The following WDR70 variants were observed in gnomAD, a reference collection of about 807,000 sequenced individuals.
WDR70 encodes WD repeat-containing protein 70.
WDR70 carries 53 observed loss-of-function variants against 88.6 expected under a neutral mutation model. The ratio of observed to expected loss-of-function variants is 0.60; its 90% CI spans 0.48 to 0.75. The LOEUF is 0.75. WDR70 is among the 30% of genes least tolerant of loss of function. The pLI is 0.00. For missense variants in WDR70, 610 were observed against 823.2 expected (o/e 0.74, Z 3.17); for synonymous variants, 280 against 270.0 (o/e 1.04, Z -0.36).
At chr5:37,449,314 G>A (rs746229945) in intron 7 of WDR70, among the ~76,000 whole-genome samples, 2 of 151,956 alleles carry the variant, frequency 1.3e-5, no homozygotes, top group South Asian at 2.1e-4. Context: ...GCTCCAGGCC[G>A]GGCGCAGTGG....
intron 7 of WDR70, among the ~76,000 whole-genome samples, chr5:37,468,272 A>G (rs1258373941): frequency 6.6e-6 from 1 of 152,242 alleles, no homozygotes; most frequent in African/African-American, 2.4e-5. Flanking sequence ...ATTTTTAAAT[A>G]TTTAACAATA....
chr5:37,459,426 C>A (rs1156657780), intron 7 of WDR70, among the ~76,000 whole-genome samples: 3 of 149,660 alleles, frequency 2.0e-5, no homozygotes, highest in Non-Finnish European at 4.4e-5. Flanking sequence ...CTGAGAAAAA[C>A]AAGCAATGGG....
At chr5:37,683,602 C>T (rs1048601886) in intron 10 of WDR70, among the ~76,000 whole-genome samples, 12 of 152,062 alleles carry the variant, frequency 7.9e-5, no homozygotes, top group African/African-American at 2.9e-4. Flanking sequence ...ACTAATGAGG[C>T]CTAGTTTGGC....
chr5:37,705,095 T>A (rs1747283040), intron 13 of WDR70, among the ~76,000 whole-genome samples: 1 of 152,182 alleles, frequency 6.6e-6, no homozygotes, highest in Admixed American at 6.5e-5. Flanking sequence ...AGACAGTGAA[T>A]TCTGTTCTTG....
At chr5:37,563,410 C>A (rs1313623687) in intron 9 of WDR70, among the ~76,000 whole-genome samples, 1 of 55,700 alleles carries the variant, frequency 1.8e-5, no homozygotes, top group African/African-American at 6.1e-5. Context: ...CAGGATTGGG[C>A]GGCTGGCCGG....
At chr5:37,449,160 G>C (rs1231034008) in intron 7 of WDR70, among the ~76,000 whole-genome samples, 1 of 152,098 alleles carries the variant, frequency 6.6e-6, no homozygotes, top group Non-Finnish European at 1.5e-5. Flanking sequence ...TAAACTTTTT[G>C]GTTTTCTTGT....
intron 10 of WDR70, among the ~76,000 whole-genome samples, chr5:37,669,351 A>T (rs947480049): frequency 4.0e-5 from 6 of 151,738 alleles, no homozygotes; most frequent in African/African-American, 1.5e-4. Context: ...AAGGAAGGAG[A>T]GAGGGAAGGG....
chr5:37,611,026 T>C (rs2112486707), intron 10 of WDR70, among the ~76,000 whole-genome samples: 1 of 152,302 alleles, frequency 6.6e-6, no homozygotes, highest in African/African-American at 2.4e-5. Context: ...AGATAATGTT[T>C]TGTGGGAGAG....
chr5:37,680,220 A>G (rs1015252889), intron 10 of WDR70, among the ~76,000 whole-genome samples: 3 of 150,238 alleles, frequency 2.0e-5, no homozygotes, highest in Admixed American at 2.0e-4. Context: ...GTTTCTGTTC[A>G]TGTCCTTTGC....
At chr5:37,624,927 C>T (rs1393328790) in intron 10 of WDR70, among the ~76,000 whole-genome samples, 3 of 152,124 alleles carry the variant, frequency 2.0e-5, no homozygotes, top group Non-Finnish European at 4.4e-5. Context: ...CAATGTAGGT[C>T]AGATAATTCC....
chr5:37,605,401 GT>G (rs1744008944), intron 10 of WDR70, among the ~76,000 whole-genome samples, 163 bp downstream of exon 10: 1 of 152,204 alleles, frequency 6.6e-6, no homozygotes, highest in African/African-American at 2.4e-5. Context: ...GACTTTTGTA[GT>G]ATACAGCATT....
At chr5:37,713,974 A>C (rs1430498668) in intron 13 of WDR70, among the ~76,000 whole-genome samples, 1 of 152,224 alleles carries the variant, frequency 6.6e-6, no homozygotes, top group Non-Finnish European at 1.5e-5. Flanking sequence ...TTCTATAATT[A>C]AAATGCATCC....
intron 3 of WDR70, among the ~76,000 whole-genome samples, chr5:37,389,529 G>A (rs1395217719): frequency 1.3e-5 from 2 of 151,794 alleles, no homozygotes; most frequent in Non-Finnish European, 2.9e-5. Context: ...TCCTGCCTCA[G>A]CCTCCAGAGT....
At chr5:37,595,847 G>A (rs193207870) in intron 9 of WDR70, among the ~76,000 whole-genome samples, 2 of 152,200 alleles carry the variant, frequency 1.3e-5, no homozygotes, top group Admixed American at 6.5e-5. Context: ...CTCAATAAAT[G>A]TTGCATGAAT....
intron 13 of WDR70, among the ~76,000 whole-genome samples, chr5:37,704,093 A>T (rs1747249195): frequency 1.3e-5 from 2 of 152,226 alleles, no homozygotes; most frequent in Admixed American, 1.3e-4. Flanking sequence ...GGTATAGAGT[A>T]TTATAGGAAA....
intron 7 of WDR70, among the ~76,000 whole-genome samples, chr5:37,455,261 T>C (rs1398013334): frequency 9.3e-5 from 14 of 150,320 alleles, no homozygotes; most frequent in Non-Finnish European, 5.9e-5. Flanking sequence ...TTTTTTTTTT[T>C]TGAGGTAGAG....
chr5:37,500,254 C>T (rs1385102239), intron 8 of WDR70, among the ~76,000 whole-genome samples: 1 of 152,164 alleles, frequency 6.6e-6, no homozygotes, highest in Non-Finnish European at 1.5e-5. Flanking sequence ...CAAGTTGATG[C>T]AAAAGACATT....
intron 3 of WDR70, 108 bp from the exon 4 acceptor site, chr5:37,391,892 C>T: frequency 5.5e-6 from 7 of 1,270,082 alleles, no homozygotes; most frequent in South Asian, 1.6e-5. Flanking sequence ...TGCTAACACT[C>T]TAAGTTATAT....
intron 10 of WDR70, among the ~76,000 whole-genome samples, chr5:37,652,126 A>G (rs1235743118): frequency 6.6e-6 from 1 of 152,176 alleles, no homozygotes; most frequent in African/African-American, 2.4e-5. Context: ...TAAGGTGTAA[A>G]GAAGGAGTCC....
Sources: allele counts gnomAD v4.1 joint callset (sites outside exome capture counted in the v4.1 genomes callset), GRCh38; gene constraint gnomAD v4.1.1; transcripts MANE v1.5; gene names NCBI Gene and HGNC (gene_info 2026-07-23, HGNC 2026-07-21).